The following CLPB variants were observed in gnomAD, a reference collection of about 807,000 sequenced individuals.
CLPB encodes ClpB family mitochondrial disaggregase.
CLPB carries 40 observed loss-of-function variants against 78.4 expected under a neutral mutation model. That is an observed-to-expected ratio of 0.51 (90% CI 0.40 to 0.66). The LOEUF (loss-of-function observed/expected upper bound fraction) is 0.66. Ranked by LOEUF, CLPB falls within the 30% of genes least tolerant of loss-of-function variation. The probability of loss-of-function intolerance (pLI) is 0.00; values close to 1 mark genes in which losing one functional copy is unlikely to be tolerated. For missense variants in CLPB, 780 were observed against 886.9 expected (o/e 0.88, Z 1.53); for synonymous variants, 333 against 348.0 (o/e 0.96, Z 0.48).
intron 4 of CLPB, among the ~76,000 whole-genome samples, chr11:72,373,830 GGC>G (rs1951088322): frequency 6.6e-6 from 1 of 151,834 alleles, no homozygotes; most frequent in African/African-American, 2.4e-5. Flanking sequence ...GCGTGGTGGT[GGC>G]GCCAGTAATC....
intron 9 of CLPB, among the ~76,000 whole-genome samples, chr11:72,306,653 C>A (rs1949750311): frequency 1.3e-5 from 2 of 152,126 alleles, no homozygotes; most frequent in Admixed American, 1.3e-4. Context: ...GTATCCCAGG[C>A]TCAAGACATA....
At chr11:72,299,855 C>T (rs1015421383) in intron 11 of CLPB, among the ~76,000 whole-genome samples, 1 of 152,148 alleles carries the variant, frequency 6.6e-6, no homozygotes, top group Non-Finnish European at 1.5e-5. Context: ...CCTATCAACC[C>T]CTAAAAGGCA....
At chr11:72,317,720 G>T (rs913845096) in intron 6 of CLPB, among the ~76,000 whole-genome samples, 3 of 152,210 alleles carry the variant, frequency 2.0e-5, no homozygotes, top group Non-Finnish European at 4.4e-5. Context: ...TTTCAATTAT[G>T]CTGCATTTCA....
At chr11:72,301,519 T>C (rs1485486168) in intron 11 of CLPB, among the ~76,000 whole-genome samples, 1 of 152,188 alleles carries the variant, frequency 6.6e-6, no homozygotes, top group Admixed American at 6.5e-5. Context: ...TAAAAATTCA[T>C]GTCTCGCTCT....
rs772058276 is a variant in CLPB, at chr11:72,329,808, G to A, written c.776-4C>T. On this transcript the variant is annotated splice_region_variant and splice_polypyrimidine_tract_variant and intron_variant, in intron 5 of 15. Coordinates refer to ENST00000538039, the MANE Select transcript of CLPB (RefSeq NM_001258392.3). ...TTCCTCTGCAGGGGGTTGGCTCCTG[G>A]CAAGAGAAGAAGGATAAACAGAGGC... 1.9e-6 allele frequency: 3 copies of A among 1,610,190 alleles called. No individual in the cohort carries two copies. The highest frequency in any genetic ancestry group is 1.6e-4 in the Middle Eastern group (1 of 6,072).
intron 7 of CLPB, among the ~76,000 whole-genome samples, chr11:72,314,234 G>C (rs1329495422): frequency 6.6e-6 from 1 of 152,206 alleles, no homozygotes; most frequent in Non-Finnish European, 1.5e-5. Flanking sequence ...TGGCTTCAGA[G>C]GGTCAACCGG....
Position 72,292,487 on chromosome 11 carries a change from A to G in CLPB, c.*880T>C, listed in dbSNP as rs577904327. The G allele has an allele frequency of 6.9e-4, 105 of 152,376 alleles. No homozygotes were observed. The highest frequency in any genetic ancestry group is 2.5e-3 in the African/African-American group (103 of 41,566). The allele number at this position is 152,376 out of a possible 1,614,324, so 9.4% of individuals were successfully genotyped here. On this transcript the variant is annotated 3_prime_UTR_variant, in exon 16 of 16. Coordinates refer to ENST00000538039, the MANE Select transcript of CLPB (RefSeq NM_001258392.3). ...TATTCCAGGCTCGTTTAGCTGGACGAGCAGTACAGACAGGGCTGAGGCTGA... is the reference window on the plus strand; with the variant it reads ...TATTCCAGGCTCGTTTAGCTGGACGGGCAGTACAGACAGGGCTGAGGCTGA...
At position 72,324,652 on chromosome 11, in the gene CLPB, G is replaced by C. The variant is rs115179412; in HGVS notation, c.873+5055C>G. ...TAAAAAGCACTTAGCACTGTATCTG[G>C]CCCATACCATAGTAAGCCACAGGGC... On this transcript the variant is annotated intron_variant, in intron 6 of 15. Coordinates refer to ENST00000538039, the MANE Select transcript of CLPB (RefSeq NM_001258392.3). 4.2e-3 allele frequency among the ~76,000 whole-genome samples: 642 copies of C among 152,290 alleles called. 3 individuals are homozygous for C. Among genetic ancestry groups the C allele is most frequent in the African/African-American group, 0.015 (622 of 41,558 alleles).
intron 5 of CLPB, among the ~76,000 whole-genome samples, chr11:72,335,443 T>A (rs75665552): frequency 6.6e-6 from 1 of 152,220 alleles, no homozygotes; most frequent in East Asian, 1.9e-4. Context: ...CCCAAGCTCA[T>A]GGCTCTCCCA....
intron 14 of CLPB, 82 bp from the exon 15 acceptor site, chr11:72,294,208 A>G: frequency 6.3e-7 from 1 of 1,596,868 alleles, no homozygotes; most frequent in Non-Finnish European, 8.6e-7. Flanking sequence ...GGCCAGGGCC[A>G]CTGGCCCCAC....
chr11:72,418,868 A>AAAAAG (rs1554971521), intron 2 of CLPB, among the ~76,000 whole-genome samples: 4 of 151,700 alleles, frequency 2.6e-5, no homozygotes, highest in Admixed American at 1.3e-4. Context: ...AAAAAAAAAA[A>AAAAAG]AAAAGAAAAG....
intron 1 of CLPB, 67 bp downstream of exon 1, chr11:72,434,005 T>C: frequency 6.4e-7 from 1 of 1,554,584 alleles, no homozygotes; most frequent in Non-Finnish European, 8.7e-7. Flanking sequence ...CCTCCCACCC[T>C]CCTAAGATAC....
intron 3 of CLPB, among the ~76,000 whole-genome samples, chr11:72,382,393 G>A (rs867424081): frequency 1.3e-5 from 2 of 152,182 alleles, no homozygotes; most frequent in Admixed American, 6.5e-5. Context: ...GGATGCAGGC[G>A]CCAAGTCAAT....
At chr11:72,401,341 T>C (rs1019060922) in intron 3 of CLPB, among the ~76,000 whole-genome samples, 1 of 152,132 alleles carries the variant, frequency 6.6e-6, no homozygotes, top group Non-Finnish European at 1.5e-5. Context: ...CTCGGGAGGC[T>C]GAGGCAGTGG....
rs773901608 is a variant in CLPB, at chr11:72,434,366, C to T, written c.109G>A (p.Val37Met). 6.2e-7 allele frequency: 1 copy of T among 1,612,012 alleles called. No individual in the cohort carries two copies. Among genetic ancestry groups the T allele is most frequent in the South Asian group, 1.1e-5 (1 of 90,962 alleles). The change falls in exon 1 of 16, where the codon GTG becomes ATG. Residue 37 changes from valine (V) to methionine (M), a missense_variant. By Grantham distance (21) the Val-to-Met change is conservative (BLOSUM62 1). Around this residue, in one of 3 missense-constraint regions of CLPB, gnomAD observed 417 missense variants for 414.7 expected, o/e 1.01. Coordinates refer to ENST00000538039, the MANE Select transcript of CLPB (RefSeq NM_001258392.3). ...GGCTCCCCGAGACTCCCAGTAGTCA[C>T]ATTCCGGCCGGAAGCACCTCCATGG... ...RGHGGASGRNVTTGSLGEPQW... is the reference protein window; with the variant it reads ...RGHGGASGRNMTTGSLGEPQW...
intron 5 of CLPB, among the ~76,000 whole-genome samples, chr11:72,335,359 A>G (rs1950300972): frequency 6.6e-6 from 1 of 152,160 alleles, no homozygotes; most frequent in African/African-American, 2.4e-5. Context: ...CCAATTCCCT[A>G]AGAAGATACT....
chr11:72,335,131 G>T (rs563802397), intron 5 of CLPB, among the ~76,000 whole-genome samples: 13 of 151,988 alleles, frequency 8.6e-5, no homozygotes, highest in South Asian at 4.2e-4. Flanking sequence ...AAAGTAGTGT[G>T]GGGGGGTGGG....
At chr11:72,428,441 C>T (rs896340523) in intron 2 of CLPB, among the ~76,000 whole-genome samples, 5 of 152,196 alleles carry the variant, frequency 3.3e-5, no homozygotes, top group Non-Finnish European at 7.3e-5. Flanking sequence ...CACATTCCAG[C>T]TTCTCTCAGA....
chr11:72,314,096 G>A (rs117346296), intron 7 of CLPB, among the ~76,000 whole-genome samples: 4,327 of 152,266 alleles, frequency 0.028, 104 homozygotes, highest in Non-Finnish European at 0.038. Flanking sequence ...GGTCAAAGAG[G>A]GAAGTGAAGC....
Sources: allele counts gnomAD v4.1 joint callset (sites outside exome capture counted in the v4.1 genomes callset), GRCh38; gene constraint gnomAD v4.1.1; regional missense constraint gnomAD v4.1.1; transcripts MANE v1.5; gene names NCBI Gene and HGNC (gene_info 2026-07-23, HGNC 2026-07-21).